Variants in CCSER1 observed in about 807,000 individuals in gnomAD.
The protein encoded by CCSER1 is serine-rich coiled-coil domain-containing protein 1.
In CCSER1, 41 loss-of-function variants were observed where a neutral mutation model predicts 82.0. The ratio of observed to expected loss-of-function variants is 0.50; its 90% CI spans 0.39 to 0.65. CCSER1 has a LOEUF of 0.65. Among genes scored for constraint, CCSER1 ranks in the 30% least tolerant of loss-of-function variants. The pLI, the probability that CCSER1 is intolerant of heterozygous loss-of-function variation, is 0.00. For missense variants in CCSER1, 1,119 were observed against 1,064.2 expected (o/e 1.05, Z -0.72); for synonymous variants, 414 against 383.9 (o/e 1.08, Z -0.92).
At chr4:90,793,282 G>A (rs1445308813) in intron 7 of CCSER1, among the ~76,000 whole-genome samples, 1 of 152,040 alleles carries the variant, frequency 6.6e-6, no homozygotes, top group Admixed American at 6.6e-5. Context: ...TTGTCACCCA[G>A]GTATTAAGCC....
rs1223954114 is a variant in CCSER1, at chr4:90,510,350, AC to A, written c.1724+41997del. Among the ~76,000 whole-genome samples the A allele has an allele frequency of 1.3e-5, 2 of 152,210 alleles. 1 individual carries two copies. The highest frequency in any genetic ancestry group is 2.9e-5 in the Non-Finnish European group (2 of 68,022). ...TTTTCTAAGGTGAATTCTTTAGTGA[AC>A]TTTTTGAAATGTAATAATTGGCATT... On this transcript the variant is annotated intron_variant, in intron 5 of 10. Coordinates refer to ENST00000509176, the MANE Select transcript of CCSER1 (RefSeq NM_001145065.2).
intron 10 of CCSER1, among the ~76,000 whole-genome samples, chr4:91,463,620 A>C (rs7436835): frequency 0.7 from 105,821 of 151,862 alleles, 37,192 homozygotes; most frequent in East Asian, 0.89. Flanking sequence ...AGATTAGACG[A>C]ATGGCTAATT....
chr4:90,179,936 TC>T (rs1733409601), intron 1 of CCSER1, among the ~76,000 whole-genome samples: 1 of 152,028 alleles, frequency 6.6e-6, no homozygotes, highest in African/African-American at 2.4e-5. Flanking sequence ...ATAGGACATA[TC>T]TAAAATGAAT....
rs139873398 is a variant in CCSER1 at position 91,474,461 on chromosome 4, C to A, written c.2218-124111C>A. 1.1e-4 allele frequency among the ~76,000 whole-genome samples: 17 copies of A among 151,532 alleles called. No homozygotes were observed. In the East Asian group the frequency reaches 3.3e-3, roughly 29 times the overall value. Reference sequence around the variant, plus strand: ...ATATAGAATTTTACAGTTGATAAATCTTTTTAATTCAAATCATTCTATTCT... The same window carrying A: ...ATATAGAATTTTACAGTTGATAAATATTTTTAATTCAAATCATTCTATTCT... On this transcript the variant is annotated intron_variant, in intron 10 of 10. Transcript: ENST00000509176.
intron 10 of CCSER1, among the ~76,000 whole-genome samples, chr4:91,487,524 G>GTACTT (rs1758286014): frequency 6.6e-6 from 1 of 152,102 alleles, no homozygotes; most frequent in Non-Finnish European, 1.5e-5. Flanking sequence ...CAGGAAATGG[G>GTACTT]TACTTTACTA....
At chr4:91,194,795 C>A (rs965959078) in intron 10 of CCSER1, among the ~76,000 whole-genome samples, 1 of 152,136 alleles carries the variant, frequency 6.6e-6, no homozygotes, top group African/African-American at 2.4e-5. Context: ...TGATATTTGT[C>A]AGGATAAGGT....
chr4:90,517,823 G>C (rs958922725), intron 5 of CCSER1, among the ~76,000 whole-genome samples: 1 of 152,080 alleles, frequency 6.6e-6, no homozygotes, highest in African/African-American at 2.4e-5. Flanking sequence ...TAATAATTCT[G>C]TGAGGTGGGT....
intron 8 of CCSER1, among the ~76,000 whole-genome samples, chr4:90,875,935 G>T (rs1436517455): frequency 2.6e-5 from 4 of 152,212 alleles, no homozygotes; most frequent in African/African-American, 9.6e-5. Context: ...CTTATAAAAA[G>T]CAGCCTATAA....
chr4:91,471,628 C>T (rs1185602797), intron 10 of CCSER1, among the ~76,000 whole-genome samples: 1 of 152,100 alleles, frequency 6.6e-6, no homozygotes, highest in African/African-American at 2.4e-5. Context: ...ATTCTTTTCC[C>T]TTCAGACTGA....
intron 5 of CCSER1, among the ~76,000 whole-genome samples, chr4:90,621,682 A>G (rs915910746): frequency 6.6e-6 from 1 of 152,216 alleles, no homozygotes; most frequent in African/African-American, 2.4e-5. Context: ...TATTTGACAC[A>G]CATGAATGGA....
At chr4:90,996,153 A>G (rs1486449252) in intron 9 of CCSER1, among the ~76,000 whole-genome samples, 2 of 152,136 alleles carry the variant, frequency 1.3e-5, no homozygotes, top group African/African-American at 2.4e-5. Flanking sequence ...ACTGATGAGC[A>G]CATGCACTAA....
At chr4:90,501,802 C>T (rs1166047316) in intron 5 of CCSER1, among the ~76,000 whole-genome samples, 1 of 152,062 alleles carries the variant, frequency 6.6e-6, no homozygotes, top group East Asian at 1.9e-4. Flanking sequence ...TATATGTAGA[C>T]TGCAGTTATA....
chr4:91,543,384 T>G (rs1237506096), intron 10 of CCSER1, among the ~76,000 whole-genome samples: 3 of 152,340 alleles, frequency 2.0e-5, no homozygotes, highest in Admixed American at 1.3e-4. Context: ...TTGATGCAGT[T>G]TCTTCCTAGC....
intron 1 of CCSER1, among the ~76,000 whole-genome samples, chr4:90,273,209 G>A (rs907408300): frequency 3.1e-4 from 47 of 152,036 alleles, no homozygotes; most frequent in African/African-American, 1.1e-3. Context: ...GTTACCAGAG[G>A]CTGGGGAGGG....
At chr4:90,818,748 T>C (rs1759363108) in intron 8 of CCSER1, among the ~76,000 whole-genome samples, 1 of 152,204 alleles carries the variant, frequency 6.6e-6, no homozygotes, top group Non-Finnish European at 1.5e-5. Context: ...CCTCTACACA[T>C]TGCCAAATGT....
intron 4 of CCSER1, among the ~76,000 whole-genome samples, chr4:90,420,957 C>A (rs1342449892): frequency 5.9e-5 from 9 of 152,080 alleles, no homozygotes; most frequent in Admixed American, 5.9e-4. Context: ...CATCTCCATA[C>A]AATTGCTTGA....
intron 10 of CCSER1, among the ~76,000 whole-genome samples, chr4:91,241,273 T>C (rs1739337594): frequency 8.1e-6 from 1 of 123,460 alleles, no homozygotes; most frequent in South Asian, 2.8e-4. Context: ...TCTTGGCTAA[T>C]GGTTAATGCA....
intron 3 of CCSER1, among the ~76,000 whole-genome samples, chr4:90,327,651 G>A (rs1373168269): frequency 6.6e-6 from 1 of 152,044 alleles, no homozygotes; most frequent in Non-Finnish European, 1.5e-5. Flanking sequence ...CTCAACATCA[G>A]CATTATTGAG....
chr4:90,539,681 G>A (rs1413881127), intron 5 of CCSER1, among the ~76,000 whole-genome samples: 2 of 152,080 alleles, frequency 1.3e-5, no homozygotes, highest in African/African-American at 4.8e-5. Context: ...CACAAAATAA[G>A]TAAGATTTAC....
Sources: allele counts gnomAD v4.1 joint callset (sites outside exome capture counted in the v4.1 genomes callset), GRCh38; gene constraint gnomAD v4.1.1; transcripts MANE v1.5; gene names NCBI Gene and HGNC (gene_info 2026-07-23, HGNC 2026-07-21).